Variants in GART observed in about 807,000 individuals in gnomAD.
GART encodes phosphoribosylglycinamide formyltransferase, phosphoribosylglycinamide synthetase, phosphoribosylaminoimidazole synthetase, also known as trifunctional purine biosynthetic protein adenosine-3.
A neutral mutation model predicts 107.2 loss-of-function variants in GART; 43 were observed. That is an observed-to-expected ratio of 0.40 (90% CI 0.31 to 0.52). The LOEUF is 0.52. Ranked by LOEUF, GART falls within the 20% of genes least tolerant of loss-of-function variation. The pLI, the probability that GART is intolerant of heterozygous loss-of-function variation, is 0.52. For synonymous variants in GART, 434 were observed against 427.0 expected (o/e 1.02, Z -0.20); for missense variants, 1,107 against 1,206.5 (o/e 0.92, Z 1.22).
chr21:33,542,426 G>C (rs551694289), upstream of GART: 1 of 152,590 alleles, frequency 6.6e-6, no homozygotes, highest in African/African-American at 2.4e-5. Context: ...AGCTACCGCG[G>C]AAAAATCTCG....
At chr21:33,540,498 G>A (rs924087365) in intron 1 of GART, among the ~76,000 whole-genome samples, 2 of 152,190 alleles carry the variant, frequency 1.3e-5, no homozygotes, top group African/African-American at 4.8e-5. Context: ...AATTCAAATA[G>A]CGCAATATGC....
intron 18 of GART, among the ~76,000 whole-genome samples, chr21:33,506,346 G>A (rs1240632176): frequency 2.0e-5 from 3 of 152,064 alleles, no homozygotes; most frequent in East Asian, 1.9e-4. Flanking sequence ...GTTTCACCAC[G>A]TTGGCCAGGC....
intron 16 of GART, among the ~76,000 whole-genome samples, chr21:33,513,586 T>A (rs1203585103): frequency 2.0e-5 from 3 of 151,920 alleles, no homozygotes; most frequent in Non-Finnish European, 4.4e-5. Context: ...TAAAAATAAA[T>A]AAAAATAAAA....
chr21:33,509,760 G>C, intron 18 of GART, 23 bp downstream of exon 18: 1 of 1,612,028 alleles, frequency 6.2e-7, no homozygotes, highest in Non-Finnish European at 8.5e-7. Flanking sequence ...CAGCTCTACA[G>C]TGAAGGGGAA....
chr21:33,522,631 C>T (rs746258107), intron 11 of GART, among the ~76,000 whole-genome samples: 3 of 152,154 alleles, frequency 2.0e-5, no homozygotes, highest in South Asian at 2.1e-4. Flanking sequence ...AGAATATACA[C>T]AACATAAAAT....
chr21:33,516,205 G>A (rs983418337), intron 16 of GART, among the ~76,000 whole-genome samples: 3 of 141,470 alleles, frequency 2.1e-5, no homozygotes, highest in Admixed American at 7.6e-5. Flanking sequence ...CTGAGATTGC[G>A]CCACTATACT....
chr21:33,514,714 T>A (rs1304412509), intron 16 of GART, among the ~76,000 whole-genome samples: 2 of 152,170 alleles, frequency 1.3e-5, no homozygotes, highest in Non-Finnish European at 2.9e-5. Context: ...CCAAGGAATG[T>A]CTTGAACCAC....
At chr21:33,513,258 C>T (rs2084821156) in intron 16 of GART, among the ~76,000 whole-genome samples, 1 of 152,074 alleles carries the variant, frequency 6.6e-6, no homozygotes, top group African/African-American at 2.4e-5. Flanking sequence ...AGCCACCATG[C>T]CCAGCCTGAA....
At chr21:33,525,031 C>CAAA (rs1569024503) in intron 10 of GART, 31 bp from the exon 11 acceptor site, 1 of 1,594,294 alleles carries the variant, frequency 6.3e-7, no homozygotes. Flanking sequence ...CATATGATTT[C>CAAA]AAATAGCAAC....
intron 7 of GART, among the ~76,000 whole-genome samples, chr21:33,530,214 A>G (rs2085157537): frequency 6.6e-6 from 1 of 152,192 alleles, no homozygotes; most frequent in African/African-American, 2.4e-5. Flanking sequence ...AAAAACAAAA[A>G]CTGTGCCGAA....
chr21:33,511,758 C>T (rs145768297), intron 16 of GART, among the ~76,000 whole-genome samples: 192 of 152,184 alleles, frequency 1.3e-3, no homozygotes, highest in Middle Eastern at 6.8e-3. Context: ...TAGCTGAATT[C>T]CAGCAAAGGC....
intron 4 of GART, among the ~76,000 whole-genome samples, chr21:33,533,837 A>G (rs2145753985): frequency 1.3e-5 from 2 of 151,542 alleles, no homozygotes; most frequent in South Asian, 4.2e-4. Context: ...TCCAGGAAGC[A>G]GAGGCTGCTG....
intron 4 of GART, among the ~76,000 whole-genome samples, chr21:33,533,614 T>G (rs758894927): frequency 7.2e-5 from 11 of 152,054 alleles, no homozygotes; most frequent in Non-Finnish European, 1.2e-4. Flanking sequence ...TTTGTCAATC[T>G]GACCGTGAGG....
chr21:33,530,901 A>G lies in GART; in HGVS notation c.598-17T>C. 2.6e-6 allele frequency: 4 copies of G among 1,514,686 alleles called. No individual in the cohort carries two copies. Among genetic ancestry groups the G allele is most frequent in the South Asian group, 1.4e-5 (1 of 72,652 alleles). The allele number at this position is 1,514,686 out of a possible 1,614,324, so 93.8% of individuals were successfully genotyped here. A position where few individuals can be genotyped will look rare whatever the true frequency, so the allele number is the denominator to read the frequency against. On this transcript the variant is annotated splice_polypyrimidine_tract_variant and intron_variant, in intron 6 of 21. Coordinates refer to ENST00000381815, the MANE Select transcript of GART (RefSeq NM_000819.5). Reference sequence around the variant, plus strand: ...ACACAGACACTATAAAGAAAACAAAATAGTCCATTTATGTTAACTGTCAAA... The same window carrying G: ...ACACAGACACTATAAAGAAAACAAAGTAGTCCATTTATGTTAACTGTCAAA...
At position 33,528,233 on chromosome 21, in the gene GART, C is replaced by T. The variant is rs775034426; in HGVS notation, c.1000G>A (p.Ala334Thr). ...TTACTTGCCATGACAACAGTTAGGG[C>T]GGTGTGGTTTTCTAGCCAAACAGGC... The part of the protein sequence containing the change: ...SLPVWLENHT[A>T]LTVVMASKGY... Residue 334 changes from alanine (A) to threonine (T), a missense_variant, in exon 10 of 22, where the codon GCC becomes ACC. Coordinates refer to ENST00000381815, the MANE Select transcript of GART (RefSeq NM_000819.5). 9.9e-6 allele frequency: 16 copies of T among 1,613,938 alleles called. No individual in the cohort carries two copies. Among genetic ancestry groups the T allele is most frequent in the East Asian group, 8.9e-5 (4 of 44,866 alleles).
chr21:33,504,129 C>G lies in GART; in HGVS notation c.3028G>C (p.Glu1010Gln), dbSNP rs758163066. 3.7e-6 allele frequency: 6 copies of G among 1,603,100 alleles called. No homozygotes were observed. The highest frequency in any genetic ancestry group is 5.1e-6 in the Non-Finnish European group (6 of 1,173,764). The change falls in exon 22 of 22, where the codon GAA (glutamate) becomes CAA (glutamine). Residue 1010 changes from glutamate (E) to glutamine (Q), a missense_variant. Coordinates refer to ENST00000381815, the MANE Select transcript of GART (RefSeq NM_000819.5). Reference sequence around the variant, plus strand: ...CATTTCTGAATTAAAAGGCTTCATTCCTCTTTAACCCAACAGATCTTGCCA... The same window carrying G: ...CATTTCTGAATTAAAAGGCTTCATTGCTCTTTAACCCAACAGATCTTGCCA... The part of the protein sequence containing the change: ...ENGKICWVKE[E>Q]
Position 33,511,234 on chromosome 21 carries a change from T to C in GART, c.2314+18A>G, listed in dbSNP as rs367632399. 1.4e-5 allele frequency: 23 copies of C among 1,613,542 alleles called. No individual in the cohort carries two copies. The highest frequency in any genetic ancestry group is 1.9e-5 in the Non-Finnish European group (22 of 1,179,494). On this transcript the variant is annotated intron_variant, in intron 17 of 21. Coordinates refer to ENST00000381815, the MANE Select transcript of GART (RefSeq NM_000819.5). ...ACAGCTAAAATTATATATCTAAAAATGAGTAAGGAGCAAGTACCTTCAGCT... is the reference window on the plus strand; with the variant it reads ...ACAGCTAAAATTATATATCTAAAAACGAGTAAGGAGCAAGTACCTTCAGCT...
intron 1 of GART, among the ~76,000 whole-genome samples, chr21:33,541,247 C>A (rs1335248256): frequency 6.6e-6 from 1 of 152,110 alleles, no homozygotes; most frequent in Non-Finnish European, 1.5e-5. Context: ...CGGGTTCAAG[C>A]GATTCTCTTG....
chr21:33,532,544 T>C lies in GART; in HGVS notation c.417-88A>G, dbSNP rs1023222999. Reference sequence around the variant, plus strand: ...TGTGGGATTTTGTAACGATATGCTATAGCAATGACTGAAAAGCAGAAAGAA... The same window carrying C: ...TGTGGGATTTTGTAACGATATGCTACAGCAATGACTGAAAAGCAGAAAGAA... On this transcript the variant is annotated intron_variant, in intron 4 of 21. Transcript: ENST00000381815. The C allele has an allele frequency of 7.7e-6, 7 of 907,824 alleles. No homozygotes were observed. The African/African-American group carries it at 1.0e-4, about 13-fold the overall frequency. 56.2% of individuals were successfully genotyped at this position (907,824 alleles called of 1,614,324 possible).
Sources: gnomAD v4.1 joint callset for allele counts (sites outside exome capture counted in the v4.1 genomes callset) on GRCh38, gnomAD v4.1.1 for gene constraint, MANE v1.5 for transcripts, NCBI Gene and HGNC (gene_info 2026-07-23, HGNC 2026-07-21) for gene names.